The following PTPRM variants were observed in gnomAD, a reference collection of about 807,000 sequenced individuals.
The protein encoded by PTPRM is protein tyrosine phosphatase receptor type M, also known as receptor-type tyrosine-protein phosphatase mu.
A neutral mutation model predicts 186.7 loss-of-function variants in PTPRM; 47 were observed. The ratio of observed to expected loss-of-function variants is 0.25; its 90% confidence interval spans 0.20 to 0.32. PTPRM has a LOEUF of 0.32. Ranked by LOEUF, PTPRM falls within the 10% of genes least tolerant of loss-of-function variation. PTPRM has a pLI of 1.00. For missense variants in PTPRM, 1,494 were observed against 1,865.0 expected, an observed-to-expected ratio of 0.80 and a Z score of 3.66; for synonymous variants, 668 against 674.9, an observed-to-expected ratio of 0.99 and a Z score of 0.16.
intron 14 of PTPRM, among the ~76,000 whole-genome samples, chr18:8,158,753 T>G (rs1403003134): frequency 6.6e-6 from 1 of 152,222 alleles, no homozygotes; most frequent in African/African-American, 2.4e-5. Context: ...CTTCCAATCA[T>G]GGAGGAAGGC....
intron 2 of PTPRM, among the ~76,000 whole-genome samples, chr18:7,862,166 A>G (rs2047421812): frequency 2.0e-5 from 3 of 152,334 alleles, no homozygotes; most frequent in Admixed American, 6.5e-5. Context: ...AAATCAGTTA[A>G]GTTCAAAATA....
At chr18:7,889,576 T>G (rs1445466910) in intron 3 of PTPRM, among the ~76,000 whole-genome samples, 1 of 152,094 alleles carries the variant, frequency 6.6e-6, no homozygotes, top group Non-Finnish European at 1.5e-5. Flanking sequence ...TGGTCGCAGG[T>G]GATCCTGCCA....
At chr18:8,047,384 G>C (rs2148226767) in intron 7 of PTPRM, among the ~76,000 whole-genome samples, 1 of 152,244 alleles carries the variant, frequency 6.6e-6, no homozygotes, top group Middle Eastern at 3.4e-3. Context: ...GTTTAATGAA[G>C]AATTAGCTAT....
chr18:7,680,573 T>C (rs1304860572), intron 1 of PTPRM, among the ~76,000 whole-genome samples: 1 of 152,234 alleles, frequency 6.6e-6, no homozygotes, highest in Non-Finnish European at 1.5e-5. Context: ...TTTCACATGC[T>C]ACAATTGTTG....
chr18:8,119,270 A>G (rs8082876), intron 13 of PTPRM, among the ~76,000 whole-genome samples: 7,264 of 152,234 alleles, frequency 0.048, 477 homozygotes, highest in African/African-American at 0.15. Context: ...TTTTTTAATC[A>G]CTAAGCTTTT....
At chr18:8,360,704 G>A (rs2095592241) in intron 23 of PTPRM, 3 of 152,262 alleles carry the variant, frequency 2.0e-5, no homozygotes, top group African/African-American at 7.2e-5. Flanking sequence ...ACTGCCTGCA[G>A]AAGGGGATGT....
At position 8,044,413 on chromosome 18, in the gene PTPRM, T is replaced by C. The variant is rs377726286; in HGVS notation, c.1133-25273T>C. On this transcript the variant is annotated intron_variant, in intron 7 of 32. Coordinates refer to ENST00000580170, the MANE Select transcript of PTPRM (RefSeq NM_001105244.2). ...CAGAGTGCTTGGATCATCTAGTGAATGGAGGATGTGTAAATATGACTCAAG... is the reference window on the plus strand; with the variant it reads ...CAGAGTGCTTGGATCATCTAGTGAACGGAGGATGTGTAAATATGACTCAAG... 4.6e-5 allele frequency among the ~76,000 whole-genome samples: 7 copies of C among 152,124 alleles called. No homozygotes were observed. The East Asian group carries it at 1.3e-3, about 29-fold the overall frequency.
At chr18:7,757,022 C>CCA (rs778821119) in intron 1 of PTPRM, among the ~76,000 whole-genome samples, 1 of 152,168 alleles carries the variant, frequency 6.6e-6, no homozygotes, top group African/African-American at 2.4e-5. Flanking sequence ...AACTTTTATT[C>CCA]CACACACACA....
At chr18:8,393,355 G>T (rs1354848432) in intron 31 of PTPRM, among the ~76,000 whole-genome samples, 2 of 152,232 alleles carry the variant, frequency 1.3e-5, no homozygotes, top group Non-Finnish European at 2.9e-5. Context: ...TGACTTCTCA[G>T]ATTGCGGCTG....
At chr18:8,228,981 G>A (rs1264580938) in intron 14 of PTPRM, among the ~76,000 whole-genome samples, 1 of 152,134 alleles carries the variant, frequency 6.6e-6, no homozygotes, top group Non-Finnish European at 1.5e-5. Context: ...ATAGGATCAA[G>A]CCATGAAATG....
chr18:7,666,862 G>A (rs964207701), intron 1 of PTPRM, among the ~76,000 whole-genome samples: 1 of 152,186 alleles, frequency 6.6e-6, no homozygotes, highest in East Asian at 1.9e-4. Flanking sequence ...GATTTGGCAG[G>A]GGGTAGGTGG....
intron 3 of PTPRM, among the ~76,000 whole-genome samples, chr18:7,900,339 C>T (rs1173487528): frequency 2.0e-5 from 3 of 152,190 alleles, no homozygotes; most frequent in Non-Finnish European, 4.4e-5. Flanking sequence ...TTTTCTCCCA[C>T]CAGTGAAAAC....
intron 2 of PTPRM, among the ~76,000 whole-genome samples, chr18:7,868,093 C>T (rs2047803928): frequency 6.6e-6 from 1 of 152,212 alleles, no homozygotes; most frequent in East Asian, 1.9e-4. Context: ...GTTATCAATT[C>T]ATCTAACCTT....
chr18:8,314,691 C>T (rs2095295357), intron 20 of PTPRM, 90 bp from the exon 21 acceptor site: 1 of 802,750 alleles, frequency 1.2e-6, no homozygotes, highest in African/African-American at 1.7e-5. Context: ...TGTGGGTGAT[C>T]TCTATGTAAT....
At chr18:7,984,367 A>T (rs2082717695) in intron 7 of PTPRM, among the ~76,000 whole-genome samples, 1 of 151,908 alleles carries the variant, frequency 6.6e-6, no homozygotes. Flanking sequence ...CACAAAGCTC[A>T]ATACAATCCC....
At chr18:8,127,006 TG>T (rs1157764749) in intron 13 of PTPRM, among the ~76,000 whole-genome samples, 2 of 151,202 alleles carry the variant, frequency 1.3e-5, no homozygotes, top group African/African-American at 4.9e-5. Context: ...CCAGGAGGAG[TG>T]GGAAACAATT....
At chr18:7,841,246 CA>C (rs2046303906) in intron 2 of PTPRM, among the ~76,000 whole-genome samples, 2 of 146,106 alleles carry the variant, frequency 1.4e-5, no homozygotes, top group African/African-American at 5.1e-5. Flanking sequence ...AACTTCAGGT[CA>C]GACAGGTTTG....
chr18:7,831,623 A>T (rs2045763553), intron 2 of PTPRM, among the ~76,000 whole-genome samples: 1 of 152,316 alleles, frequency 6.6e-6, no homozygotes, highest in African/African-American at 2.4e-5. Context: ...TTACAAACCA[A>T]TTATACTCTT....
At chr18:8,110,953 A>C (rs1206241014) in intron 11 of PTPRM, among the ~76,000 whole-genome samples, 5 of 152,218 alleles carry the variant, frequency 3.3e-5, no homozygotes, top group African/African-American at 9.7e-5. Context: ...GGTTTCCATC[A>C]GTGCCTTCAC....
Sources: gnomAD v4.1 joint callset for allele counts (sites outside exome capture counted in the v4.1 genomes callset) on GRCh38, gnomAD v4.1.1 for gene constraint, MANE v1.5 for transcripts, NCBI Gene and HGNC (gene_info 2026-07-23, HGNC 2026-07-21) for gene names.